ARHGEF3: variants seen among roughly 807,000 people sequenced by gnomAD.
ARHGEF3 encodes Rho guanine nucleotide exchange factor 3.
A neutral mutation model predicts 63.2 loss-of-function variants in ARHGEF3; 28 were observed. The ratio of observed to expected loss-of-function variants is 0.44; its 90% CI spans 0.33 to 0.61. The LOEUF is 0.61. Ranked by LOEUF, ARHGEF3 falls within the 20% of genes least tolerant of loss-of-function variation. The pLI, the probability that ARHGEF3 is intolerant of heterozygous loss-of-function variation, is 0.03. For missense variants in ARHGEF3, 533 were observed against 659.3 expected (o/e 0.81, Z 2.10); for synonymous variants, 266 against 254.2 (o/e 1.05, Z -0.44).
intron 4 of ARHGEF3, among the ~76,000 whole-genome samples, chr3:56,850,285 T>C (rs1405546440): frequency 6.6e-6 from 1 of 152,226 alleles, no homozygotes. Flanking sequence ...TCCCAGCACT[T>C]TGGGAGGCCA....
At chr3:57,063,496 C>G (rs1705350430) in intron 1 of ARHGEF3, among the ~76,000 whole-genome samples, 1 of 152,084 alleles carries the variant, frequency 6.6e-6, no homozygotes, top group Non-Finnish European at 1.5e-5. Flanking sequence ...GGGAGGGGAG[C>G]AGTGGCCACT....
In ARHGEF3 at chr3:56,893,649, T is replaced by C. The variant is rs1247058783; in HGVS notation, c.130-11295A>G. Reference sequence around the variant, plus strand: ...GGTGAAACCCCGTCTCTACTAAAAATACAAAAATTAGCCCGGCATGGTGGT... The same window carrying C: ...GGTGAAACCCCGTCTCTACTAAAAACACAAAAATTAGCCCGGCATGGTGGT... On this transcript the variant is annotated intron_variant, in intron 3 of 12. Coordinates refer to the ARHGEF3 transcript ENST00000338458. Among the ~76,000 whole-genome samples, 3 of 151,672 alleles carry C rather than the reference T, an allele frequency of 2.0e-5. No homozygotes were observed. In the East Asian group the frequency reaches 5.8e-4, roughly 29 times the overall value.
chr3:56,814,847 G>C (rs2108016036), intron 4 of ARHGEF3, among the ~76,000 whole-genome samples: 1 of 152,204 alleles, frequency 6.6e-6, no homozygotes, highest in East Asian at 1.9e-4. Flanking sequence ...AGAAGACATG[G>C]GCCAGGTGCA....
chr3:57,060,532 G>C (rs912883809), intron 1 of ARHGEF3: 9 of 152,244 alleles, frequency 5.9e-5, no homozygotes, highest in African/African-American at 1.9e-4. Flanking sequence ...GCTCACAGCA[G>C]CAGCAGCCTC....
rs142609382 is a variant in ARHGEF3 at position 56,819,757 on chromosome 3, A to G, written c.193-45941T>C. On this transcript the variant is annotated intron_variant, in intron 4 of 12. Transcript: ENST00000338458. ...GCTGGTCTTGAACTCCTGGGCTCAA[A>G]CAATCCTCCTGCCTTAGCCTCCCAG... is the stretch of plus-strand genomic sequence containing the variant. 4.0e-3 allele frequency among the ~76,000 whole-genome samples: 604 copies of G among 151,652 alleles called. 2 individuals are homozygous for G. Among genetic ancestry groups the G allele is most frequent in the African/African-American group, 0.014 (580 of 41,360 alleles).
chr3:56,743,857 C>T (rs949379747), intron 7 of ARHGEF3, among the ~76,000 whole-genome samples: 6 of 152,114 alleles, frequency 3.9e-5, no homozygotes, highest in African/African-American at 1.4e-4. Context: ...GGACAGCATC[C>T]TCCCAACTTG....
chr3:57,047,295 C>T lies in ARHGEF3; in HGVS notation c.-27-12119G>A, dbSNP rs148461634. ...CCGGGAGGTGGAGGCTGCAGTGAGC[C>T]GAGATTTTGCCACTGCACTTCAGCC... On this transcript the variant is annotated intron_variant, in intron 1 of 12. Coordinates refer to the ARHGEF3 transcript ENST00000338458. 3.2e-3 allele frequency among the ~76,000 whole-genome samples: 481 copies of T among 152,180 alleles called. 5 individuals carry two copies. Among genetic ancestry groups the T allele is most frequent in the African/African-American group, 0.011 (454 of 41,532 alleles).
At chr3:56,967,498 TTAC>T (rs1700594836) in intron 2 of ARHGEF3, among the ~76,000 whole-genome samples, 4 of 86,388 alleles carry the variant, frequency 4.6e-5, no homozygotes, top group African/African-American at 1.9e-4. Context: ...ATTAAATATA[TTAC>T]ATAATATATA....
At chr3:56,775,907 G>C (rs964619620) in intron 1 of ARHGEF3, among the ~76,000 whole-genome samples, 2 of 152,156 alleles carry the variant, frequency 1.3e-5, no homozygotes, top group Non-Finnish European at 2.9e-5. Context: ...CTGCATTACA[G>C]CAAGTGAGGT....
At chr3:56,998,099 C>T (rs894478999) in intron 2 of ARHGEF3, among the ~76,000 whole-genome samples, 4 of 152,306 alleles carry the variant, frequency 2.6e-5, no homozygotes, top group South Asian at 4.1e-4. Flanking sequence ...TCAGTAACAT[C>T]GCAAACTGCT....
At chr3:57,023,201 T>C (rs972545248) in intron 2 of ARHGEF3, among the ~76,000 whole-genome samples, 2 of 152,100 alleles carry the variant, frequency 1.3e-5, no homozygotes, top group Non-Finnish European at 2.9e-5. Flanking sequence ...CCAAACACAG[T>C]CCCAGATGCA....
chr3:57,003,387 G>A (rs1352766145), intron 2 of ARHGEF3, among the ~76,000 whole-genome samples: 1 of 119,748 alleles, frequency 8.4e-6, no homozygotes, highest in East Asian at 2.6e-4. Flanking sequence ...TGGCAACGAA[G>A]CGAGACGCCG....
intron 2 of ARHGEF3, among the ~76,000 whole-genome samples, chr3:57,014,113 C>T (rs957272343): frequency 3.7e-4 from 56 of 152,136 alleles, no homozygotes; most frequent in African/African-American, 1.3e-3. Context: ...CAACTCCAGA[C>T]GTGACCCCTT....
intron 3 of ARHGEF3, among the ~76,000 whole-genome samples, chr3:56,754,672 T>C (rs1042456267): frequency 2.6e-5 from 4 of 152,254 alleles, no homozygotes; most frequent in Admixed American, 2.6e-4. Context: ...TAAAATAGTC[T>C]ATAAGTTGCT....
At chr3:56,925,253 A>C (rs1331244387) in intron 3 of ARHGEF3, among the ~76,000 whole-genome samples, 1 of 152,246 alleles carries the variant, frequency 6.6e-6, no homozygotes, top group Non-Finnish European at 1.5e-5. Context: ...CCTACCCAGC[A>C]GTGGTAGCAA....
At chr3:56,731,114 C>T (rs964400840) in intron 9 of ARHGEF3, among the ~76,000 whole-genome samples, 6 of 152,192 alleles carry the variant, frequency 3.9e-5, no homozygotes, top group African/African-American at 1.4e-4. Context: ...TACTCCTACT[C>T]CTAGGGTAGA....
chr3:56,980,850 G>C (rs1701299241), intron 2 of ARHGEF3, among the ~76,000 whole-genome samples: 2 of 152,248 alleles, frequency 1.3e-5, no homozygotes, highest in Admixed American at 1.3e-4. Flanking sequence ...TTCAAGTCAA[G>C]TTCATCGGCC....
chr3:56,963,836 T>C (rs1371800266), intron 2 of ARHGEF3, among the ~76,000 whole-genome samples: 3 of 152,222 alleles, frequency 2.0e-5, no homozygotes, highest in African/African-American at 7.2e-5. Context: ...GATGAGAGAC[T>C]GGCAGGTGTT....
chr3:56,882,222 T>G (rs2040789789), intron 4 of ARHGEF3: 1 of 1,447,392 alleles, frequency 6.9e-7, no homozygotes, highest in South Asian at 1.2e-5. Flanking sequence ...CACAGCATAT[T>G]ATTAACAAAT....
Sources: allele counts gnomAD v4.1 joint callset (sites outside exome capture counted in the v4.1 genomes callset), GRCh38; gene constraint gnomAD v4.1.1; transcripts MANE v1.5; gene names NCBI Gene and HGNC (gene_info 2026-07-23, HGNC 2026-07-21).